Variants in CLOCK observed in about 807,000 individuals in gnomAD.
CLOCK encodes clock circadian regulator.
A neutral mutation model predicts 118.4 loss-of-function variants in CLOCK; 43 were observed. That is an observed-to-expected ratio of 0.36 (90% CI 0.28 to 0.47). CLOCK has a LOEUF of 0.47. CLOCK is among the 20% of genes least tolerant of loss of function. The pLI is 1.00. For missense variants in CLOCK, 846 were observed against 999.9 expected, an observed-to-expected ratio of 0.85 and a Z score of 2.08; for synonymous variants, 326 against 339.2, an observed-to-expected ratio of 0.96 and a Z score of 0.43.
chr4:55,461,965 T>C (rs1006842670), intron 9 of CLOCK, among the ~76,000 whole-genome samples: 5 of 152,220 alleles, frequency 3.3e-5, no homozygotes, highest in Admixed American at 6.5e-5. Flanking sequence ...AACTTCATTA[T>C]GGCCAAAATG....
At chr4:55,541,508 A>G (rs28562057) in intron 1 of CLOCK, among the ~76,000 whole-genome samples, 149,777 of 152,360 alleles carry the variant, frequency 0.98, 73,671 homozygotes, top group East Asian at 1. Context: ...CCCCCACAAT[A>G]TTGTTTTATT....
chr4:55,497,591 G>C (rs1728164430), intron 2 of CLOCK, among the ~76,000 whole-genome samples: 1 of 152,142 alleles, frequency 6.6e-6, no homozygotes, highest in Non-Finnish European at 1.5e-5. Context: ...AAAGACTACA[G>C]TACTATGCCA....
chr4:55,449,262 G>A lies in CLOCK; in HGVS notation c.1449+134C>T, dbSNP rs1402598871. 7 of 764,546 alleles carry A rather than the reference G, an allele frequency of 9.2e-6. No individual in the cohort carries two copies. The Admixed American group carries it at 1.1e-4, about 12-fold the overall frequency. 47.4% of individuals were successfully genotyped at this position (764,546 alleles called of 1,614,324 possible). A position where few individuals can be genotyped will look rare whatever the true frequency, so the allele number is the denominator to read the frequency against. ...TTCATACAAGAAAAGGAAGTCTTAA[G>A]TAAGTGTCACATATCAGTAACTATT... is the stretch of plus-strand genomic sequence containing the variant. On this transcript the variant is annotated intron_variant, in intron 17 of 22. Coordinates refer to ENST00000513440, the MANE Select transcript of CLOCK (RefSeq NM_004898.4).
At chr4:55,518,345 A>G (rs922146819) in intron 1 of CLOCK, among the ~76,000 whole-genome samples, 3 of 152,174 alleles carry the variant, frequency 2.0e-5, no homozygotes, top group Non-Finnish European at 2.9e-5. Context: ...GACCAGTGCT[A>G]AAGAGACATA....
intron 1 of CLOCK, among the ~76,000 whole-genome samples, chr4:55,534,291 A>G (rs1475367763): frequency 1.3e-5 from 2 of 152,188 alleles, no homozygotes; most frequent in African/African-American, 4.8e-5. Context: ...GAACATTTCC[A>G]AACTCATTCT....
Position 55,431,547 on chromosome 4 carries a change from C to T in CLOCK, c.*3868G>A, listed in dbSNP as rs1387667037. ...CATTCAAAAATTCCAATCAGCTTGT[C>T]CTGGCTAGAAAGACTCACTCAGCAA... On this transcript the variant is annotated 3_prime_UTR_variant, in exon 23 of 23. Transcript: ENST00000513440. 1 of 152,084 alleles carries T rather than the reference C, an allele frequency of 6.6e-6. No homozygotes were observed. Among genetic ancestry groups the T allele is most frequent in the Non-Finnish European group, 1.5e-5 (1 of 67,968 alleles). 9.4% of individuals were successfully genotyped at this position (152,084 alleles called of 1,614,324 possible). A position where few individuals can be genotyped will look rare whatever the true frequency, so the allele number is the denominator to read the frequency against.
At chr4:55,513,233 ACT>A (rs954311178) in intron 1 of CLOCK, among the ~76,000 whole-genome samples, 1 of 151,834 alleles carries the variant, frequency 6.6e-6, no homozygotes, top group African/African-American at 2.4e-5. Context: ...AGATACACAA[ACT>A]CTTACTGTTA....
chr4:55,475,910 G>C (rs374341827), intron 7 of CLOCK, 53 bp downstream of exon 7: 2 of 1,272,752 alleles, frequency 1.6e-6, no homozygotes, highest in African/African-American at 1.5e-5. Flanking sequence ...AAGTCACCCT[G>C]TGATTTCTTT....
Position 55,444,703 on chromosome 4 carries a change from A to G in CLOCK, c.1622T>C (p.Ile541Thr), listed in dbSNP as rs1320960358. Residue 541 changes from isoleucine (I) to threonine (T), a missense_variant, in exon 19 of 23, where the codon ATT becomes ACT. By Grantham distance (89) the Ile-to-Thr change is moderately conservative. This residue lies in a region of CLOCK where 520 missense variants were observed against 558.0 expected (regional missense o/e 0.93). Transcript: ENST00000513440. ...TCTTAGTTCTTCTTGTTGCCGATGA[A>G]TATTTGCTTCTATCATGCGTGTCCG... ...EQRTRMIEAN[I>T]HRQQEELRKI... 6.2e-7 allele frequency: 1 copy of G among 1,614,084 alleles called. No homozygotes were observed. The highest frequency in any genetic ancestry group is 1.7e-5 in the Admixed American group (1 of 60,014).
chr4:55,542,873 G>A (rs183875057), intron 1 of CLOCK, among the ~76,000 whole-genome samples: 8 of 152,148 alleles, frequency 5.3e-5, no homozygotes, highest in African/African-American at 1.9e-4. Flanking sequence ...ATACACTATC[G>A]ATCAAGTCAA....
intron 7 of CLOCK, among the ~76,000 whole-genome samples, chr4:55,473,470 TCTG>T (rs1726285212): frequency 6.6e-6 from 1 of 152,232 alleles, no homozygotes. Flanking sequence ...TGGTAACATT[TCTG>T]CTGAATACAT....
intron 1 of CLOCK, among the ~76,000 whole-genome samples, chr4:55,533,207 T>C (rs1456390187): frequency 1.3e-5 from 2 of 152,132 alleles, no homozygotes; most frequent in Non-Finnish European, 2.9e-5. Context: ...GGAGGCCTCA[T>C]ACTTTCTTAT....
At chr4:55,513,641 G>C (rs1294974408) in intron 1 of CLOCK, among the ~76,000 whole-genome samples, 1 of 151,942 alleles carries the variant, frequency 6.6e-6, no homozygotes, top group Non-Finnish European at 1.5e-5. Flanking sequence ...TGGGTCTTTT[G>C]CCTCTCCATA....
At chr4:55,546,672 CCCCCTCCCTTCCCTT>C (rs1220567120) in intron 1 of CLOCK, 95 bp downstream of exon 1, 2 of 139,806 alleles carry the variant, frequency 1.4e-5, no homozygotes, top group African/African-American at 5.2e-5. Flanking sequence ...AGCTCCTCCT[CCCCCTCCCTTCCCTT>C]CCCCTCCTCC....
At chr4:55,502,202 G>A (rs1728490776) in intron 2 of CLOCK, among the ~76,000 whole-genome samples, 1 of 152,180 alleles carries the variant, frequency 6.6e-6, no homozygotes, top group Non-Finnish European at 1.5e-5. Flanking sequence ...TTTGTGGCGG[G>A]TAGTGCGGAG....
chr4:55,474,073 G>A (rs531422316), intron 7 of CLOCK, among the ~76,000 whole-genome samples: 8 of 152,176 alleles, frequency 5.3e-5, no homozygotes, highest in Non-Finnish European at 1.0e-4. Context: ...AGTGAGGAAG[G>A]CATGTCGAAA....
intron 1 of CLOCK, among the ~76,000 whole-genome samples, chr4:55,539,127 C>G (rs540753670): frequency 6.6e-6 from 1 of 152,174 alleles, no homozygotes; most frequent in East Asian, 1.9e-4. Context: ...CCCAGCTACT[C>G]AGGAGGCTGT....
At chr4:55,465,365 C>A (rs1473236788) in intron 8 of CLOCK, among the ~76,000 whole-genome samples, 1 of 152,118 alleles carries the variant, frequency 6.6e-6, no homozygotes, top group Non-Finnish European at 1.5e-5. Context: ...GTCCTGGAAC[C>A]AACCAATTCC....
intron 7 of CLOCK, among the ~76,000 whole-genome samples, chr4:55,471,935 G>A (rs1361289544): frequency 2.6e-5 from 4 of 152,222 alleles, no homozygotes; most frequent in Non-Finnish European, 5.9e-5. Context: ...TTAGCCAGGT[G>A]TGGTGGCACA....
Sources: allele counts gnomAD v4.1 joint callset (sites outside exome capture counted in the v4.1 genomes callset), GRCh38; gene constraint gnomAD v4.1.1; regional missense constraint gnomAD v4.1.1; transcripts MANE v1.5; gene names NCBI Gene and HGNC (gene_info 2026-07-23, HGNC 2026-07-21).